Variants in PPP2R2C observed in about 807,000 individuals in gnomAD.
The protein encoded by PPP2R2C is protein phosphatase 2 regulatory subunit Bgamma.
In PPP2R2C, 10 loss-of-function variants were observed where a neutral mutation model predicts 45.3. The ratio of observed to expected loss-of-function variants is 0.22; its 90% CI spans 0.14 to 0.37. The LOEUF is 0.37. Among genes scored for constraint, PPP2R2C ranks in the 10% least tolerant of loss-of-function variants. The pLI is 1.00. For missense variants in PPP2R2C, 308 were observed against 619.7 expected (o/e 0.50, Z 5.34); for synonymous variants, 257 against 245.4 (o/e 1.05, Z -0.44).
At chr4:6,350,753 C>T in intron 5 of PPP2R2C, 2 of 985,344 alleles carry the variant, frequency 2.0e-6, no homozygotes, top group Non-Finnish European at 2.4e-6. Flanking sequence ...ACAAGTGAGG[C>T]ATGTCACCTC....
intron 1 of PPP2R2C, among the ~76,000 whole-genome samples, chr4:6,419,395 GC>G (rs1435094364): frequency 1.1e-4 from 16 of 151,990 alleles, no homozygotes; most frequent in African/African-American, 3.9e-4. Context: ...CACTGCCACT[GC>G]ACTCCTAGGC....
At chr4:6,413,804 C>G (rs974572260) in intron 1 of PPP2R2C, 70 of 1,453,318 alleles carry the variant, frequency 4.8e-5, no homozygotes, top group Non-Finnish European at 6.0e-5. Flanking sequence ...CCAAAGGCCA[C>G]AGCTAGCAGA....
At chr4:6,351,472 G>A in intron 5 of PPP2R2C, 4 of 573,302 alleles carry the variant, frequency 7.0e-6, no homozygotes, top group Non-Finnish European at 8.8e-6. Context: ...TGGGGACACA[G>A]AGTCCCCAAA....
In PPP2R2C at chr4:6,391,934, G is replaced by T. The variant is rs142749157; in HGVS notation, c.71-10840C>A. Among the ~76,000 whole-genome samples, 11 of 152,332 alleles carry T rather than the reference G, an allele frequency of 7.2e-5. 1 individual carries two copies. Among genetic ancestry groups the T allele is most frequent in the Admixed American group, 2.6e-4 (4 of 15,304 alleles). On this transcript the variant is annotated intron_variant, in intron 1 of 8. Transcript: ENST00000382599. ...TCTGAGTCGATCTGTCCATCTCCGAGACAGATACGGGAACACACACCCTCC... is the reference window on the plus strand; with the variant it reads ...TCTGAGTCGATCTGTCCATCTCCGATACAGATACGGGAACACACACCCTCC...
At chr4:6,432,902 C>T (rs1421745986) in intron 1 of PPP2R2C, among the ~76,000 whole-genome samples, 1 of 152,188 alleles carries the variant, frequency 6.6e-6, no homozygotes, top group East Asian at 1.9e-4. Context: ...AACCCGTCCT[C>T]TTCCTTCTCC....
chr4:6,383,514 C>A, intron 1 of PPP2R2C: 1 of 1,042,482 alleles, frequency 9.6e-7, no homozygotes. Flanking sequence ...AAGACCTGCT[C>A]TCTCGGCCTG....
chr4:6,370,850 G>T (rs1577117825), intron 5 of PPP2R2C, among the ~76,000 whole-genome samples: 1 of 152,160 alleles, frequency 6.6e-6, no homozygotes, highest in Non-Finnish European at 1.5e-5. Flanking sequence ...TTCAGTGGAG[G>T]GTCAGACAGA....
At chr4:6,553,628 G>A (rs145822213) in intron 1 of PPP2R2C, among the ~76,000 whole-genome samples, 11 of 152,292 alleles carry the variant, frequency 7.2e-5, no homozygotes, top group East Asian at 1.9e-4. Flanking sequence ...TCCACCCACC[G>A]ATAGGCACCT....
At chr4:6,362,358 G>A (rs1178934430) in intron 5 of PPP2R2C, among the ~76,000 whole-genome samples, 1 of 152,154 alleles carries the variant, frequency 6.6e-6, no homozygotes, top group African/African-American at 2.4e-5. Flanking sequence ...ATTTTAACAG[G>A]GAGCGAGTTC....
At chr4:6,476,004 G>A (rs1722132042), upstream of PPP2R2C, among the ~76,000 whole-genome samples, 1 of 152,184 alleles carries the variant, frequency 6.6e-6, no homozygotes, top group Non-Finnish European at 1.5e-5. Context: ...AGCACACGGC[G>A]AGACAGTGGC....
intron 1 of PPP2R2C, among the ~76,000 whole-genome samples, chr4:6,464,505 T>C (rs1428525106): frequency 1.3e-5 from 2 of 152,170 alleles, no homozygotes; most frequent in Non-Finnish European, 2.9e-5. Context: ...TAGAATCTAA[T>C]GTCACCCTGG....
rs577762746 is a variant in PPP2R2C, at chr4:6,348,968, G to C, written c.626-958C>G. The C allele has an allele frequency of 5.1e-5, 49 of 969,836 alleles. No homozygotes were observed. In the Middle Eastern group the frequency reaches 2.1e-3, roughly 42 times the overall value. 60.1% of individuals were successfully genotyped at this position (969,836 alleles called of 1,614,324 possible). ...AGAGAAGATGAGCAACTCGTCCGGG[G>C]TGGCCCAGGTGTGATTGGTAAGGCT... On this transcript the variant is annotated intron_variant, in intron 5 of 8. Transcript: ENST00000382599.
At chr4:6,446,437 A>G (rs545005012) in intron 1 of PPP2R2C, among the ~76,000 whole-genome samples, 1 of 152,224 alleles carries the variant, frequency 6.6e-6, no homozygotes, top group East Asian at 1.9e-4. Flanking sequence ...CACGGGGGGA[A>G]CAGACGGATC....
intron 1 of PPP2R2C, among the ~76,000 whole-genome samples, chr4:6,459,552 A>G (rs1721216301): frequency 6.6e-6 from 1 of 152,224 alleles, no homozygotes; most frequent in African/African-American, 2.4e-5. Context: ...CAGTAGAGAA[A>G]CAGGCCAAGA....
intron 2 of PPP2R2C, among the ~76,000 whole-genome samples, chr4:6,508,329 G>A (rs1319216878): frequency 6.6e-6 from 1 of 152,214 alleles, no homozygotes; most frequent in Non-Finnish European, 1.5e-5. Context: ...GCTCACGCCT[G>A]TAATCCCAGC....
chr4:6,531,493 C>T (rs1372028398), intron 2 of PPP2R2C, among the ~76,000 whole-genome samples: 1 of 152,184 alleles, frequency 6.6e-6, no homozygotes, highest in Non-Finnish European at 1.5e-5. Flanking sequence ...AGATAACGCC[C>T]CTCCAAGGGA....
At chr4:6,510,252 GC>G (rs891093072) in intron 2 of PPP2R2C, among the ~76,000 whole-genome samples, 2 of 147,250 alleles carry the variant, frequency 1.4e-5, no homozygotes, top group Non-Finnish European at 3.0e-5. Flanking sequence ...CCCCACCCCT[GC>G]TCAGGACCCT....
chr4:6,329,575 G>A lies in PPP2R2C; in HGVS notation c.961-222C>T. 7.6e-6 allele frequency among the ~76,000 whole-genome samples: 1 copy of A among 132,382 alleles called. No homozygotes were observed. The highest frequency in any genetic ancestry group is 4.3e-5 in the African/African-American group (1 of 23,118). The allele number at this position is 132,382 out of a possible 152,430, so 86.8% of individuals were successfully genotyped here. The stretch of plus-strand genomic sequence containing the variant: ...CAGGCACACGGCTGACCCCGACCGT[G>A]ACACAGCCCAATACAGCCCTGCTCA... On this transcript the variant is annotated intron_variant, in intron 7 of 8. Coordinates refer to ENST00000382599, the MANE Select transcript of PPP2R2C (RefSeq NM_020416.4). This position sits in a 1 kb window ranked among gnomAD's most constrained non-coding sequence, Gnocchi z 5.8.
chr4:6,456,604 A>G lies in PPP2R2C; in HGVS notation c.70+15556T>C, dbSNP rs1303498814. Among the ~76,000 whole-genome samples, 3 of 152,154 alleles carry G rather than the reference A, an allele frequency of 2.0e-5. No homozygotes were observed. In the East Asian group the frequency reaches 5.8e-4, roughly 29 times the overall value. Reference sequence around the variant, plus strand: ...AGCCCCTCGCTCCTTCGGTCAGTTCATTCCATGATGGATTGCTCCCGAAGC... The same window carrying G: ...AGCCCCTCGCTCCTTCGGTCAGTTCGTTCCATGATGGATTGCTCCCGAAGC... On this transcript the variant is annotated intron_variant, in intron 1 of 8. Transcript: ENST00000382599.
Sources: allele counts gnomAD v4.1 joint callset (sites outside exome capture counted in the v4.1 genomes callset), GRCh38; gene constraint gnomAD v4.1.1; non-coding constraint Gnocchi (gnomAD v3.1); transcripts MANE v1.5; gene names NCBI Gene and HGNC (gene_info 2026-07-23, HGNC 2026-07-21).